Variants in GALNT13 observed in about 807,000 individuals in gnomAD.
GALNT13 encodes the protein polypeptide N-acetylgalactosaminyltransferase 13, also known as UDP-GalNAc:polypeptide N-acetylgalactosaminyltransferase 13.
GALNT13 carries 28 observed loss-of-function variants against 64.2 expected under a neutral mutation model. That is an observed-to-expected ratio of 0.44 (90% CI 0.32 to 0.60). The LOEUF is 0.60. Ranked by LOEUF, GALNT13 falls within the 20% of genes least tolerant of loss-of-function variation. The probability of loss-of-function intolerance (pLI) is 0.05; values close to 1 mark genes in which losing one functional copy is unlikely to be tolerated. For missense variants in GALNT13, 577 were observed against 669.8 expected, an observed-to-expected ratio of 0.86 and a Z score of 1.53; for synonymous variants, 214 against 224.6, an observed-to-expected ratio of 0.95 and a Z score of 0.42.
the GALNT13 span, among the ~76,000 whole-genome samples, chr2:153,574,581 C>T: frequency 6.6e-6 from 1 of 152,108 alleles, no homozygotes; most frequent in Non-Finnish European, 1.5e-5. Context: ...TTGAAAATAG[C>T]CTGTCTTCAA....
chr2:153,194,055 A>G, the GALNT13 span, among the ~76,000 whole-genome samples: 8 of 152,306 alleles, frequency 5.3e-5, no homozygotes, highest in South Asian at 1.4e-3. Context: ...TAGTTTGACT[A>G]TAATATGCAA....
intron 9 of GALNT13, among the ~76,000 whole-genome samples, chr2:154,311,535 C>T (rs542321248): frequency 2.6e-5 from 4 of 152,130 alleles, no homozygotes; most frequent in South Asian, 4.1e-4. Context: ...GGAGACAGGG[C>T]GAGATCACAG....
At chr2:154,118,273 C>G (rs72871826) in intron 3 of GALNT13, among the ~76,000 whole-genome samples, 10,726 of 139,954 alleles carry the variant, frequency 0.077, 469 homozygotes, top group Middle Eastern at 0.15. Context: ...ATATTATGTC[C>G]CTCTTTGTCT....
At chr2:154,275,043 A>C (rs1262224043) in intron 8 of GALNT13, among the ~76,000 whole-genome samples, 1 of 152,056 alleles carries the variant, frequency 6.6e-6, no homozygotes, top group African/African-American at 2.4e-5. Flanking sequence ...TGCCCTAAAG[A>C]TCTGTGGAAC....
chr2:153,970,725 A>G (rs1164757247), intron 3 of GALNT13, among the ~76,000 whole-genome samples: 2 of 152,140 alleles, frequency 1.3e-5, no homozygotes, highest in Non-Finnish European at 2.9e-5. Flanking sequence ...TCTCTTTGCC[A>G]TCTTTTCTGT....
At chr2:153,725,402 C>A in the GALNT13 span, among the ~76,000 whole-genome samples, 2 of 150,394 alleles carry the variant, frequency 1.3e-5, no homozygotes, top group African/African-American at 4.9e-5. Flanking sequence ...CACATGTATA[C>A]ATATGTAACT....
intron 2 of GALNT13, among the ~76,000 whole-genome samples, chr2:153,931,648 C>G (rs187708841): frequency 7.9e-5 from 12 of 152,214 alleles, no homozygotes. Flanking sequence ...TGCTGAAGCA[C>G]ATTTATTGAT....
At chr2:153,880,542 G>C (rs1314032061) in intron 1 of GALNT13, among the ~76,000 whole-genome samples, 4 of 152,002 alleles carry the variant, frequency 2.6e-5, no homozygotes, top group Admixed American at 1.3e-4. Context: ...AGGGTTTATG[G>C]GGTTACTGAC....
chr2:153,149,978 C>G, the GALNT13 span, among the ~76,000 whole-genome samples: 9,584 of 151,684 alleles, frequency 0.063, 317 homozygotes, highest in East Asian at 0.1. Context: ...TTCAGTGGTT[C>G]AGGGGCCTGC....
chr2:153,538,226 G>T, the GALNT13 span, among the ~76,000 whole-genome samples: 1 of 151,746 alleles, frequency 6.6e-6, no homozygotes, highest in Non-Finnish European at 1.5e-5. Context: ...GAGATTGCTG[G>T]CATTTTTCCC....
At chr2:153,661,364 A>G in the GALNT13 span, among the ~76,000 whole-genome samples, 1 of 152,192 alleles carries the variant, frequency 6.6e-6, no homozygotes, top group Non-Finnish European at 1.5e-5. Flanking sequence ...AAGATAACAA[A>G]TAACTTAAAA....
At chr2:153,437,178 A>G in the GALNT13 span, among the ~76,000 whole-genome samples, 476 of 151,500 alleles carry the variant, frequency 3.1e-3, 1 homozygote, top group South Asian at 0.011. Flanking sequence ...TGATTGCACT[A>G]TGGTCTGACA....
At chr2:154,315,492 A>G (rs1312861327) in intron 9 of GALNT13, among the ~76,000 whole-genome samples, 3 of 152,144 alleles carry the variant, frequency 2.0e-5, no homozygotes, top group African/African-American at 7.2e-5. Context: ...TATCAGAAGC[A>G]CTATTAATGT....
At chr2:153,122,758 T>C in the GALNT13 span, among the ~76,000 whole-genome samples, 1 of 152,098 alleles carries the variant, frequency 6.6e-6, no homozygotes, top group African/African-American at 2.4e-5. Flanking sequence ...GATGAAAGGT[T>C]CTTATGGGGC....
At chr2:154,335,973 G>A (rs1486412880) in intron 9 of GALNT13, among the ~76,000 whole-genome samples, 1 of 151,616 alleles carries the variant, frequency 6.6e-6, no homozygotes, top group Non-Finnish European at 1.5e-5. Context: ...TATTTACTTG[G>A]TACTTTGTTA....
At chr2:153,313,822 G>A in the GALNT13 span, among the ~76,000 whole-genome samples, 1 of 152,072 alleles carries the variant, frequency 6.6e-6, no homozygotes, top group African/African-American at 2.4e-5. Flanking sequence ...AAATTACATC[G>A]GCATTTAGTA....
rs1700631382 is a variant in GALNT13, at chr2:154,069,392, T to C, written c.143-70945T>C. Among the ~76,000 whole-genome samples, 3 of 151,908 alleles carry C rather than the reference T, an allele frequency of 2.0e-5. No homozygotes were observed. In the South Asian group the frequency reaches 6.2e-4, roughly 31 times the overall value. On this transcript the variant is annotated intron_variant, in intron 3 of 12. Transcript: ENST00000392825. ...CATAAATAAACCCTTAAAAATGCTA[T>C]TTATAATAGCATAAAATCATGAAAC...
chr2:153,258,234 A>G, the GALNT13 span, among the ~76,000 whole-genome samples: 5 of 152,236 alleles, frequency 3.3e-5, no homozygotes, highest in African/African-American at 1.2e-4. Flanking sequence ...TGTTTTGCAG[A>G]CAAATCAGTC....
At chr2:153,478,537 T>C in the GALNT13 span, 2 of 1,604,254 alleles carry the variant, frequency 1.2e-6, no homozygotes, top group Non-Finnish European at 1.7e-6. Context: ...GCCCGCCACG[T>C]CCGTCTGGTT....
Sources: gnomAD v4.1 joint callset for allele counts (sites outside exome capture counted in the v4.1 genomes callset) on GRCh38, gnomAD v4.1.1 for gene constraint, MANE v1.5 for transcripts, NCBI Gene and HGNC (gene_info 2026-07-23, HGNC 2026-07-21) for gene names.